KANSL1: variants seen among roughly 807,000 people sequenced by gnomAD.
The protein encoded by KANSL1 is MLL1/MLL complex subunit KANSL1.
In KANSL1, 22 loss-of-function variants were observed where a neutral mutation model predicts 103.6. That is an observed-to-expected ratio of 0.21 (90% CI 0.15 to 0.30). The LOEUF (loss-of-function observed/expected upper bound fraction) is 0.30. KANSL1 is among the 10% of genes least tolerant of loss of function. The probability of loss-of-function intolerance (pLI) is 1.00; values close to 1 mark genes in which losing one functional copy is unlikely to be tolerated. For missense variants in KANSL1, 1,337 were observed against 1,399.8 expected (o/e 0.96, Z 0.72); for synonymous variants, 600 against 527.6 (o/e 1.14, Z -1.88).
intron 2 of KANSL1, among the ~76,000 whole-genome samples, chr17:46,155,410 G>A (rs1229151100): frequency 6.6e-6 from 1 of 152,072 alleles, no homozygotes; most frequent in Non-Finnish European, 1.5e-5. Flanking sequence ...CGCCCACCTC[G>A]GCCTCCCAAA....
At chr17:46,068,306 G>C (rs554152844) in intron 4 of KANSL1, among the ~76,000 whole-genome samples, 3 of 152,088 alleles carry the variant, frequency 2.0e-5, no homozygotes, top group African/African-American at 7.2e-5. Context: ...GCTCATGACT[G>C]TAACCCCAGT....
chr17:46,098,518 G>A (rs2042174641), intron 2 of KANSL1, among the ~76,000 whole-genome samples: 1 of 152,204 alleles, frequency 6.6e-6, no homozygotes, highest in Non-Finnish European at 1.5e-5. Context: ...CAAGAACTTT[G>A]ATAAATACAC....
At chr17:46,207,881 C>T (rs554790315) in intron 1 of KANSL1, among the ~76,000 whole-genome samples, 7 of 152,088 alleles carry the variant, frequency 4.6e-5, no homozygotes, top group African/African-American at 1.7e-4. Flanking sequence ...GAGGCTGAGG[C>T]GGGTGGATCA....
chr17:46,159,623 A>G (rs895300967), intron 2 of KANSL1, among the ~76,000 whole-genome samples: 1 of 152,256 alleles, frequency 6.6e-6, no homozygotes, highest in African/African-American at 2.4e-5. Flanking sequence ...GGAAAATACT[A>G]AACACAAAGC....
At chr17:46,130,946 G>C (rs6503457) in intron 2 of KANSL1, among the ~76,000 whole-genome samples, 1 of 152,136 alleles carries the variant, frequency 6.6e-6, no homozygotes, top group African/African-American at 2.4e-5. Flanking sequence ...AGCACAAGAG[G>C]AAAGCAAAAC....
intron 2 of KANSL1, among the ~76,000 whole-genome samples, chr17:46,130,413 A>T (rs1238930992): frequency 1.3e-5 from 2 of 152,230 alleles, no homozygotes; most frequent in Non-Finnish European, 2.9e-5. Flanking sequence ...TTTTAAAGAA[A>T]CAACACTTTC....
intron 1 of KANSL1, among the ~76,000 whole-genome samples, chr17:46,211,227 CA>C (rs574672233): frequency 0.49 from 49,997 of 102,136 alleles, 9,246 homozygotes; most frequent in South Asian, 0.61. Flanking sequence ...ATGTTCTATG[CA>C]AAAAAAAAAA....
At chr17:46,165,949 G>A (rs905603970) in intron 2 of KANSL1, among the ~76,000 whole-genome samples, 8 of 152,000 alleles carry the variant, frequency 5.3e-5, no homozygotes, top group Admixed American at 1.3e-4. Flanking sequence ...AGTGGCTCTC[G>A]CCTGTAATCC....
intron 2 of KANSL1, among the ~76,000 whole-genome samples, chr17:46,095,084 A>G (rs1346507068): frequency 1.3e-5 from 2 of 152,226 alleles, no homozygotes; most frequent in Non-Finnish European, 2.9e-5. Flanking sequence ...ATTCAGCAAA[A>G]GTGTTCAGTA....
chr17:46,040,317 A>C (rs1327269568), intron 7 of KANSL1: 2 of 159,672 alleles, frequency 1.3e-5, no homozygotes, highest in African/African-American at 2.4e-5. Flanking sequence ...TGAGTACTAC[A>C]TACTCTCTCC....
intron 1 of KANSL1, among the ~76,000 whole-genome samples, chr17:46,179,935 G>A (rs1186197406): frequency 1.3e-5 from 2 of 151,834 alleles, no homozygotes. Context: ...GTGGAGGCGC[G>A]CACCTGTACT....
At chr17:46,032,839 A>G (rs1246017721) in intron 13 of KANSL1, among the ~76,000 whole-genome samples, 1 of 152,222 alleles carries the variant, frequency 6.6e-6, no homozygotes, top group African/African-American at 2.4e-5. Flanking sequence ...ATGGGAATTC[A>G]GAATTACATA....
At chr17:46,055,092 G>A (rs62063686) in intron 6 of KANSL1, among the ~76,000 whole-genome samples, 21,751 of 151,630 alleles carry the variant, frequency 0.14, 2,125 homozygotes, top group Non-Finnish European at 0.22. Flanking sequence ...CTCGTGATCC[G>A]CCTGCCTCAG....
chr17:46,214,334 C>T (rs1236386388), intron 1 of KANSL1, among the ~76,000 whole-genome samples: 1 of 152,216 alleles, frequency 6.6e-6, no homozygotes, highest in Non-Finnish European at 1.5e-5. Context: ...CAGTCTTTAA[C>T]ACTCATTTAC....
chr17:46,112,221 A>C (rs1446408379), intron 2 of KANSL1, among the ~76,000 whole-genome samples: 1 of 151,864 alleles, frequency 6.6e-6, no homozygotes, highest in South Asian at 2.1e-4. Flanking sequence ...TAAAAAAATT[A>C]GCCAGGCATG....
At chr17:46,040,155 C>A in intron 7 of KANSL1, 1 of 408,744 alleles carries the variant, frequency 2.4e-6, no homozygotes, top group Non-Finnish European at 4.3e-6. Flanking sequence ...TTCTTGTATC[C>A]TTGTTTGTTG....
chr17:46,106,228 A>C (rs1464421305), intron 2 of KANSL1, among the ~76,000 whole-genome samples: 2 of 152,202 alleles, frequency 1.3e-5, no homozygotes, highest in Admixed American at 1.3e-4. Context: ...TTGAGCCCCC[A>C]GTCAGCTACT....
chr17:46,217,851 C>G (rs533349401), intron 1 of KANSL1, among the ~76,000 whole-genome samples: 5 of 152,178 alleles, frequency 3.3e-5, no homozygotes, highest in Non-Finnish European at 7.3e-5. Flanking sequence ...ATGGTGAAAC[C>G]CTGTTTCTAC....
intron 1 of KANSL1, among the ~76,000 whole-genome samples, chr17:46,219,773 C>T (rs1329335037): frequency 6.6e-6 from 1 of 152,216 alleles, no homozygotes; most frequent in Non-Finnish European, 1.5e-5. Flanking sequence ...AGATTATGGG[C>T]CCTTTTGCGT....
Sources: allele counts gnomAD v4.1 joint callset (sites outside exome capture counted in the v4.1 genomes callset), GRCh38; gene constraint gnomAD v4.1.1; transcripts MANE v1.5; gene names NCBI Gene and HGNC (gene_info 2026-07-23, HGNC 2026-07-21).